The following CA10 variants were observed in gnomAD, a reference collection of about 807,000 sequenced individuals.
CA10 encodes the protein carbonic anhydrase-related protein 10.
CA10 carries 14 observed loss-of-function variants against 44.2 expected under a neutral mutation model. That is an observed-to-expected ratio of 0.32 (90% CI 0.21 to 0.50). The LOEUF is 0.50. Ranked by LOEUF, CA10 falls within the 20% of genes least tolerant of loss-of-function variation. The pLI is 0.99. For missense variants in CA10, 350 were observed against 409.7 expected (o/e 0.85, Z 1.26); for synonymous variants, 159 against 141.6 (o/e 1.12, Z -0.87).
intron 3 of CA10, among the ~76,000 whole-genome samples, chr17:51,891,246 A>G (rs533334429): frequency 6.6e-6 from 1 of 152,230 alleles, no homozygotes; most frequent in South Asian, 2.1e-4. Context: ...GTTGGTAGTG[A>G]ATAATAGGGC....
chr17:52,139,357 A>C (rs373434862), intron 1 of CA10, among the ~76,000 whole-genome samples: 22 of 152,348 alleles, frequency 1.4e-4, no homozygotes, highest in African/African-American at 5.3e-4. Context: ...TATCTGGCTT[A>C]AAACTGCTTT....
At chr17:51,676,611 C>A (rs1337197187) in intron 4 of CA10, among the ~76,000 whole-genome samples, 1 of 152,178 alleles carries the variant, frequency 6.6e-6, no homozygotes, top group East Asian at 1.9e-4. Context: ...ACCCTTGTTG[C>A]TCTTACATCA....
chr17:51,814,674 G>A (rs566095377), intron 3 of CA10, among the ~76,000 whole-genome samples: 1 of 152,274 alleles, frequency 6.6e-6, no homozygotes, highest in African/African-American at 2.4e-5. Flanking sequence ...TCAAGACTAA[G>A]CAATTTGATC....
chr17:51,874,053 A>C (rs376341730), intron 3 of CA10, among the ~76,000 whole-genome samples: 2 of 152,226 alleles, frequency 1.3e-5, no homozygotes, highest in South Asian at 4.1e-4. Flanking sequence ...TGGAAGAAAA[A>C]GACCCAGTTA....
chr17:51,760,915 G>A (rs1047425605), intron 3 of CA10, among the ~76,000 whole-genome samples: 1 of 152,134 alleles, frequency 6.6e-6, no homozygotes, highest in African/African-American at 2.4e-5. Flanking sequence ...TGAATGAGGT[G>A]TTTTATATTC....
chr17:51,806,688 C>G (rs1399802992), intron 3 of CA10, among the ~76,000 whole-genome samples: 1 of 152,328 alleles, frequency 6.6e-6, no homozygotes, highest in Non-Finnish European at 1.5e-5. Context: ...ATCCCCACAA[C>G]AAGAAGCATA....
chr17:51,822,485 C>T lies in CA10; in HGVS notation c.280-74667G>A, dbSNP rs934144689. Among the ~76,000 whole-genome samples, 3 of 152,262 alleles carry T rather than the reference C, an allele frequency of 2.0e-5. No homozygotes were observed. The East Asian group carries it at 5.8e-4, about 29-fold the overall frequency. On this transcript the variant is annotated intron_variant, in intron 3 of 8. Transcript: ENST00000451037. ...AAAACAAAAAAACCATCCTTGACCA[C>T]ACTCACTCATTATTACTACCTGCAT...
intron 3 of CA10, among the ~76,000 whole-genome samples, chr17:51,855,472 G>T (rs529356785): frequency 1.3e-5 from 2 of 152,028 alleles, no homozygotes; most frequent in Non-Finnish European, 2.9e-5. Flanking sequence ...TAGTATAGTC[G>T]ACCTAGGTGC....
At chr17:51,746,818 A>G (rs1335711305) in intron 4 of CA10, among the ~76,000 whole-genome samples, 1 of 152,200 alleles carries the variant, frequency 6.6e-6, no homozygotes, top group African/African-American at 2.4e-5. Context: ...AGATTTATAC[A>G]TGATCTTTAA....
chr17:51,802,914 GAAGT>G (rs1239004756), intron 3 of CA10, among the ~76,000 whole-genome samples: 1 of 152,132 alleles, frequency 6.6e-6, no homozygotes, highest in Non-Finnish European at 1.5e-5. Context: ...TTCTTTCCCA[GAAGT>G]AATAAAACAG....
At chr17:51,857,796 A>G (rs1451196566) in intron 3 of CA10, among the ~76,000 whole-genome samples, 1 of 152,142 alleles carries the variant, frequency 6.6e-6, no homozygotes, top group African/African-American at 2.4e-5. Context: ...TGCTTTCATA[A>G]TTTTATGATT....
intron 4 of CA10, among the ~76,000 whole-genome samples, chr17:51,672,902 GGA>G (rs1427652990): frequency 6.6e-6 from 1 of 152,162 alleles, no homozygotes; most frequent in Non-Finnish European, 1.5e-5. Context: ...TTTCTAGTGG[GGA>G]GGGAGTTCCA....
chr17:52,151,941 C>T (rs779792523), intron 1 of CA10, among the ~76,000 whole-genome samples: 1 of 152,116 alleles, frequency 6.6e-6, no homozygotes. Flanking sequence ...GATGTGTATG[C>T]ATTGGCCAAT....
chr17:51,760,644 A>T (rs1905192613), intron 3 of CA10, among the ~76,000 whole-genome samples: 1 of 152,204 alleles, frequency 6.6e-6, no homozygotes, highest in African/African-American at 2.4e-5. Context: ...TTTTAAAAAT[A>T]AACAGAATCA....
At chr17:51,865,704 C>T (rs563828088) in intron 3 of CA10, among the ~76,000 whole-genome samples, 19 of 152,352 alleles carry the variant, frequency 1.2e-4, no homozygotes, top group Admixed American at 5.2e-4. Context: ...AGCTTGCCTA[C>T]AGCCCCACAG....
chr17:51,940,458 G>A lies in CA10; in HGVS notation c.137-9326C>T, dbSNP rs918209640. On this transcript the variant is annotated intron_variant, in intron 2 of 8. Transcript: ENST00000451037. ...TGTTGGACCATTCTTGGGGGCACAA[G>A]ACTGTCAGAGGTTATCTGGCTCCTC... 3.9e-5 allele frequency among the ~76,000 whole-genome samples: 6 copies of A among 152,076 alleles called. No homozygotes were observed. The East Asian group carries it at 1.2e-3, about 29-fold the overall frequency.
At chr17:52,137,427 G>A (rs1020701084) in intron 1 of CA10, among the ~76,000 whole-genome samples, 2 of 152,152 alleles carry the variant, frequency 1.3e-5, no homozygotes, top group South Asian at 2.1e-4. Flanking sequence ...TCAGCATAAT[G>A]CTTTTATGCA....
intron 2 of CA10, among the ~76,000 whole-genome samples, chr17:52,029,329 A>C (rs1986395046): frequency 1.3e-5 from 2 of 152,114 alleles, no homozygotes; most frequent in Non-Finnish European, 2.9e-5. Context: ...GTATCAAAAC[A>C]CGCTTTTGTC....
At chr17:52,003,652 G>A (rs1436772977) in intron 2 of CA10, among the ~76,000 whole-genome samples, 1 of 151,912 alleles carries the variant, frequency 6.6e-6, no homozygotes, top group African/African-American at 2.4e-5. Context: ...TGGAGTAGGA[G>A]AAGCTTCAGA....
Sources: allele counts gnomAD v4.1 joint callset (sites outside exome capture counted in the v4.1 genomes callset), GRCh38; gene constraint gnomAD v4.1.1; transcripts MANE v1.5; gene names NCBI Gene and HGNC (gene_info 2026-07-23, HGNC 2026-07-21).